ADAMTS5: variants seen among roughly 807,000 people sequenced by gnomAD.
ADAMTS5 encodes A disintegrin and metalloproteinase with thrombospondin motifs 5.
ADAMTS5 carries 54 observed loss-of-function variants against 81.4 expected under a neutral mutation model. The ratio of observed to expected loss-of-function variants is 0.66; its 90% CI spans 0.53 to 0.83. ADAMTS5 has a LOEUF of 0.83. Among genes scored for constraint, ADAMTS5 ranks in the 40% least tolerant of loss-of-function variants. ADAMTS5 has a pLI of 0.00. For synonymous variants in ADAMTS5, 532 were observed against 508.8 expected, an observed-to-expected ratio of 1.05 and a Z score of -0.61; for missense variants, 1,194 against 1,229.9, an observed-to-expected ratio of 0.97 and a Z score of 0.44.
chr21:26,955,909 TAA>T (rs1168194217), intron 1 of ADAMTS5, among the ~76,000 whole-genome samples: 2 of 152,214 alleles, frequency 1.3e-5, no homozygotes, highest in East Asian at 3.8e-4. Flanking sequence ...CTAATTATTG[TAA>T]AGACAACTGT....
In ADAMTS5 at chr21:26,919,241, T is replaced by C. The variant is rs1426777716; in HGVS notation, c.*4812A>G. ...GTTTTTTATTTGTTTTTTTTTTTTT[T>C]CCTACAAATCACAGTTTTCCTCACA... On this transcript the variant is annotated 3_prime_UTR_variant, in exon 8 of 8. Transcript: ENST00000284987. 3 of 150,368 alleles carry C rather than the reference T, an allele frequency of 2.0e-5. No individual in the cohort carries two copies. The highest frequency in any genetic ancestry group is 2.0e-4 in the East Asian group (1 of 5,078). The allele number at this position is 150,368 out of a possible 1,614,324, so 9.3% of individuals were successfully genotyped here. A position where few individuals can be genotyped will look rare whatever the true frequency, so the allele number is the denominator to read the frequency against.
At chr21:26,932,711 A>T in intron 5 of ADAMTS5, 150 bp downstream of exon 5, 2 of 919,476 alleles carry the variant, frequency 2.2e-6, no homozygotes, top group Non-Finnish European at 3.0e-6. Flanking sequence ...AAAAAAAAAC[A>T]AACACATAGG....
chr21:26,965,426 G>A lies in ADAMTS5; in HGVS notation c.966C>T (p.Gly322=). The A allele has an allele frequency of 1.9e-6, 3 of 1,614,222 alleles. No homozygotes were observed. The highest frequency in any genetic ancestry group is 2.5e-6 in the Non-Finnish European group (3 of 1,180,046). ...TCACTTCCAGGCTCTTGTCCTTGTC[G>A]CCTAGCACCACCACCTTCACCACGG... is the stretch of plus-strand genomic sequence containing the variant. ...RLAVVKVVVL[G]DKDKSLEVSK... The change falls in exon 1 of 8, where the codon GGC becomes GGT. Residue 322 remains glycine, a synonymous_variant. Coordinates refer to ENST00000284987, the MANE Select transcript of ADAMTS5 (RefSeq NM_007038.5).
In ADAMTS5 at chr21:26,966,503, A is replaced by G. The variant is rs1987678825; in HGVS notation, c.-112T>C. ...GGACACACACACACTTGCTTGCAGG[A>G]TTGAGTCAAGTGTCGGAGGGAGGGG... On this transcript the variant is annotated 5_prime_UTR_variant, in exon 1 of 8. Transcript: ENST00000284987. 2.3e-5 allele frequency: 27 copies of G among 1,156,346 alleles called. No individual in the cohort carries two copies. Among genetic ancestry groups the G allele is most frequent in the Non-Finnish European group, 3.0e-5 (27 of 887,342 alleles). 71.6% of individuals were successfully genotyped at this position (1,156,346 alleles called of 1,614,324 possible).
In ADAMTS5 at chr21:26,932,780, C is replaced by T. The variant is rs868152342; in HGVS notation, c.1873+81G>A. 157 of 1,441,804 alleles carry T rather than the reference C, an allele frequency of 1.1e-4. No individual in the cohort carries two copies. In the Middle Eastern group the frequency reaches 4.4e-3, roughly 40 times the overall value. The allele number at this position is 1,441,804 out of a possible 1,614,324, so 89.3% of individuals were successfully genotyped here. Reference sequence around the variant, plus strand: ...TGCAGTATAAGATTAATATTATTTCCCCAGCTTCCCTTATTCATTATTGCT... The same window carrying T: ...TGCAGTATAAGATTAATATTATTTCTCCAGCTTCCCTTATTCATTATTGCT... On this transcript the variant is annotated intron_variant, in intron 5 of 7. Coordinates refer to ENST00000284987, the MANE Select transcript of ADAMTS5 (RefSeq NM_007038.5).
chr21:26,934,562 G>T lies in ADAMTS5; in HGVS notation c.1593C>A (p.Thr531=), dbSNP rs1334384950. Residue 531 remains threonine (T), a synonymous_variant, in exon 4 of 8, where the codon ACC becomes ACA. Transcript: ENST00000284987. ...VVRQGQMVCL[T]KKLPAVEGTP... ...TCCCTTCCACCGCAGGCAGCTTCTT[G>T]GTCAGACAGACCATCTGGCCCTGGC... The T allele has an allele frequency of 1.2e-6, 2 of 1,614,182 alleles. No homozygotes were observed. Among genetic ancestry groups the T allele is most frequent in the South Asian group, 1.1e-5 (1 of 91,086 alleles).
At position 26,934,685 on chromosome 21, in the gene ADAMTS5, G is replaced by C; in HGVS notation, c.1470C>G (p.Thr490=). Reference sequence around the variant, plus strand: ...GGTTGCACTGCTGGGTGGCATCGTAGGTCTGTCCTGGGAGTTCTTCGGGGC... The same window carrying C: ...GGTTGCACTGCTGGGTGGCATCGTACGTCTGTCCTGGGAGTTCTTCGGGGC... ...ILGPEELPGQ[T]YDATQQCNLT... is the part of the protein sequence containing the mutation. The change falls in exon 4 of 8, where the codon ACC becomes ACG. Residue 490 remains threonine, a synonymous_variant. Transcript: ENST00000284987. 1.9e-6 allele frequency: 3 copies of C among 1,614,218 alleles called. No individual in the cohort carries two copies. Among genetic ancestry groups the C allele is most frequent in the Non-Finnish European group, 2.5e-6 (3 of 1,180,050 alleles).
rs1023346489 is a variant in ADAMTS5, at chr21:26,966,541, G to A, written c.-150C>T. 73 of 696,780 alleles carry A rather than the reference G, an allele frequency of 1.0e-4. No individual in the cohort carries two copies. Among genetic ancestry groups the A allele is most frequent in the Non-Finnish European group, 1.3e-4 (64 of 484,032 alleles). The allele number at this position is 696,780 out of a possible 1,614,324, so 43.2% of individuals were successfully genotyped here. ...TCGGAGGGAGGGGGGCCCGGCAGCAGCGCCAGCCTGTCCGGGCTGCGGTGC... is the reference window on the plus strand; with the variant it reads ...TCGGAGGGAGGGGGGCCCGGCAGCAACGCCAGCCTGTCCGGGCTGCGGTGC... On this transcript the variant is annotated 5_prime_UTR_variant, in exon 1 of 8. Coordinates refer to ENST00000284987, the MANE Select transcript of ADAMTS5 (RefSeq NM_007038.5).
intron 3 of ADAMTS5, among the ~76,000 whole-genome samples, chr21:26,941,848 T>C (rs1229714660): frequency 1.3e-5 from 2 of 152,098 alleles, no homozygotes; most frequent in African/African-American, 4.8e-5. Context: ...ACCTGATCAA[T>C]GTAGATAGGA....
intron 2 of ADAMTS5, among the ~76,000 whole-genome samples, chr21:26,949,421 G>T (rs900202782): frequency 1.3e-5 from 2 of 151,944 alleles, no homozygotes; most frequent in Non-Finnish European, 2.9e-5. Context: ...GTCTCACTAT[G>T]ATGCCAGGGC....
Position 26,924,502 on chromosome 21 carries a change from C to T in ADAMTS5, c.2344G>A (p.Gly782Ser), listed in dbSNP as rs770610469. The change falls in exon 8 of 8, where the codon GGT (glycine) becomes AGT (serine). Residue 782 changes from glycine (G) to serine (S), a missense_variant. Physicochemically the swap from Gly to Ser is moderately conservative, Grantham distance 56. Around this residue, in one of 2 missense-constraint regions of ADAMTS5, gnomAD observed 696 missense variants for 817.6 expected, o/e 0.85. Transcript: ENST00000284987. The stretch of plus-strand genomic sequence containing the variant: ...TACTTTCCATTGATAAGGTACTCAC[C>T]GTTTTTCTTTTTCAGGGCTAAATAG... ...TAYLALKKKN[G>S]EYLINGKYMI... 15 of 1,614,084 alleles carry T rather than the reference C, an allele frequency of 9.3e-6. No individual in the cohort carries two copies. The highest frequency in any genetic ancestry group is 4.5e-5 in the East Asian group (2 of 44,878).
intron 7 of ADAMTS5, among the ~76,000 whole-genome samples, chr21:26,927,662 T>A (rs1458497046): frequency 1.3e-5 from 2 of 152,150 alleles, no homozygotes; most frequent in African/African-American, 4.8e-5. Context: ...CTAAGTAAGA[T>A]GGAAGCCATT....
At position 26,967,015 on chromosome 21, in the gene ADAMTS5, C is replaced by A. The variant is rs536884721; in HGVS notation, c.-624G>T. 2.0e-5 allele frequency among the ~76,000 whole-genome samples: 3 copies of A among 152,350 alleles called. No individual in the cohort carries two copies. The East Asian group carries it at 5.8e-4, about 30-fold the overall frequency. ...GTGAAGCGGCGTGTCTGTGTCCCTT[C>A]GGCTGCGGTCTCCTCCTGCCCGCCG... On this transcript the variant is annotated 5_prime_UTR_variant, in exon 1 of 8. Transcript: ENST00000284987.
intron 3 of ADAMTS5, among the ~76,000 whole-genome samples, chr21:26,936,029 G>C (rs1023257760): frequency 1.3e-5 from 2 of 152,138 alleles, no homozygotes; most frequent in Admixed American, 1.3e-4. Flanking sequence ...GCCCATAGGA[G>C]GCAGACCAGT....
intron 1 of ADAMTS5, among the ~76,000 whole-genome samples, chr21:26,956,155 A>G (rs1987423014): frequency 6.6e-6 from 1 of 152,218 alleles, no homozygotes; most frequent in Non-Finnish European, 1.5e-5. Flanking sequence ...AACCAGTGCT[A>G]CATACTCAAT....
At chr21:26,930,376 C>A (rs1039767406) in intron 6 of ADAMTS5, among the ~76,000 whole-genome samples, 1 of 152,176 alleles carries the variant, frequency 6.6e-6, no homozygotes, top group African/African-American at 2.4e-5. Context: ...TAGAAGTAAT[C>A]TTTTCACTTA....
In ADAMTS5 at chr21:26,965,610, C is replaced by A; in HGVS notation, c.782G>T (p.Arg261Leu). Residue 261 changes from arginine to leucine, a missense_variant, in exon 1 of 8, where the codon CGC becomes CTC. This residue lies in a region of ADAMTS5 where 498 missense variants were observed against 412.3 expected (regional missense o/e 1.21). Transcript: ENST00000284987. The stretch of plus-strand genomic sequence containing the variant: ...CACCTGGCGGGCCCGGGAGATGGAG[C>A]GGCGCCGCCGCCGCCACCACGTCTG... ...GPQTWWRRRR[R>L]SISRARQVEL... The A allele has an allele frequency of 6.3e-7, 1 of 1,597,528 alleles. No individual in the cohort carries two copies.
intron 2 of ADAMTS5, among the ~76,000 whole-genome samples, chr21:26,950,269 G>A (rs1987292659): frequency 6.6e-6 from 1 of 152,178 alleles, no homozygotes; most frequent in East Asian, 1.9e-4. Context: ...TTAGAAGCTG[G>A]CCCAACATCA....
rs116535412 is a variant in ADAMTS5, at chr21:26,966,567, C to T, written c.-176G>A. On this transcript the variant is annotated 5_prime_UTR_variant, in exon 1 of 8. Transcript: ENST00000284987. ...CGCCAGCCTGTCCGGGCTGCGGTGC[C>T]AGCGTGCGAACTTTTCTTTGTTGCT... 2.6e-3 allele frequency: 1,095 copies of T among 417,584 alleles called. 10 individuals are homozygous for T. Among genetic ancestry groups the T allele is most frequent in the African/African-American group, 0.025 (998 of 40,616 alleles). 25.9% of individuals were successfully genotyped at this position (417,584 alleles called of 1,614,324 possible).
Sources: allele counts gnomAD v4.1 joint callset (sites outside exome capture counted in the v4.1 genomes callset), GRCh38; gene constraint gnomAD v4.1.1; regional missense constraint gnomAD v4.1.1; transcripts MANE v1.5; gene names NCBI Gene and HGNC (gene_info 2026-07-23, HGNC 2026-07-21).